TTPA: variants seen among roughly 807,000 people sequenced by gnomAD.
The protein encoded by TTPA is alpha tocopherol transfer protein.
TTPA carries 23 observed loss-of-function variants against 25.9 expected under a neutral mutation model. The observed-to-expected ratio is 0.89, with a 90% CI of 0.64 to 1.26. TTPA has a LOEUF of 1.26. TTPA is among the 50% of genes most tolerant of loss of function. TTPA has a pLI of 0.00. For synonymous variants in TTPA, 148 were observed against 137.3 expected, an observed-to-expected ratio of 1.08 and a Z score of -0.54; for missense variants, 337 against 353.1, an observed-to-expected ratio of 0.95 and a Z score of 0.37.
chr8:63,085,554 T>C (rs1211678821), intron 1 of TTPA, among the ~76,000 whole-genome samples: 1 of 152,222 alleles, frequency 6.6e-6, no homozygotes, highest in Admixed American at 6.5e-5. Flanking sequence ...TTCTCCATGC[T>C]TGAGATCAAA....
At chr8:63,084,790 AC>A (rs1435766301) in intron 1 of TTPA, among the ~76,000 whole-genome samples, 2 of 152,194 alleles carry the variant, frequency 1.3e-5, no homozygotes, top group African/African-American at 4.8e-5. Flanking sequence ...GATTATTTTT[AC>A]CATAATTTTA....
chr8:63,068,233 AAGTAAC>A (rs1338157341), intron 2 of TTPA, among the ~76,000 whole-genome samples: 2 of 152,218 alleles, frequency 1.3e-5, no homozygotes, highest in Non-Finnish European at 2.9e-5. Flanking sequence ...CAGAGAGATG[AAGTAAC>A]ATAAAAAGAA....
intron 1 of TTPA, among the ~76,000 whole-genome samples, chr8:63,074,076 G>C (rs1563363628): frequency 6.6e-6 from 1 of 151,964 alleles, no homozygotes; most frequent in Non-Finnish European, 1.5e-5. Flanking sequence ...CATTTGTTTT[G>C]AGTTTAAAGA....
chr8:63,085,057 G>A lies in TTPA; in HGVS notation c.204+761C>T, dbSNP rs553438595. On this transcript the variant is annotated intron_variant, in intron 1 of 4. Transcript: ENST00000260116. ...ATGCTTACTGTGTGCCAGGCACTGTGCTGGGCACAGCTTGTTTTGTTAAAC... is the reference window on the plus strand; with the variant it reads ...ATGCTTACTGTGTGCCAGGCACTGTACTGGGCACAGCTTGTTTTGTTAAAC... Among the ~76,000 whole-genome samples the A allele has an allele frequency of 2.2e-3, 335 of 152,322 alleles. 2 individuals carry two copies. The highest frequency in any genetic ancestry group is 7.6e-3 in the African/African-American group (314 of 41,564).
Position 63,072,942 on chromosome 8 carries a change from G to A in TTPA, c.351C>T (p.Tyr117=), listed in dbSNP as rs374483216. 12 of 1,614,068 alleles carry A rather than the reference G, an allele frequency of 7.4e-6. No individual in the cohort carries two copies. Among genetic ancestry groups the A allele is most frequent in the Non-Finnish European group, 1.0e-5 (12 of 1,180,004 alleles). Residue 117 remains tyrosine, a synonymous_variant, in exon 2 of 5, where the codon TAC becomes TAT. Coordinates refer to ENST00000260116, the MANE Select transcript of TTPA (RefSeq NM_000370.3). ...RDPTGSKVLI[Y]RIAHWDPKVF... ...GAGTTGTGTATGACTTACCGATTCT[G>A]TAAATAAGAACTTTGCTGCCAGTGG...
At chr8:63,063,549 AG>A (rs1805342605) in intron 4 of TTPA, among the ~76,000 whole-genome samples, 1 of 152,210 alleles carries the variant, frequency 6.6e-6, no homozygotes. Context: ...ACAAGATAAA[AG>A]ATACACAGTG....
chr8:63,081,084 C>A (rs1019203902), intron 1 of TTPA, among the ~76,000 whole-genome samples: 1 of 151,536 alleles, frequency 6.6e-6, no homozygotes, highest in African/African-American at 2.4e-5. Context: ...TGGTACCATT[C>A]CTTCTGAAAC....
rs139080242 is a variant in TTPA, at chr8:63,069,069, C to T, written c.359-2972G>A. The stretch of plus-strand genomic sequence containing the variant: ...ACTTGGGAAGCTGAGGCAGGAGAAT[C>T]GCTTGAACTCGGGAGGCAGAGGTTG... On this transcript the variant is annotated intron_variant, in intron 2 of 4. Coordinates refer to ENST00000260116, the MANE Select transcript of TTPA (RefSeq NM_000370.3). Among the ~76,000 whole-genome samples the T allele has an allele frequency of 5.6e-3, 854 of 152,072 alleles. 9 individuals are homozygous for T. Among genetic ancestry groups the T allele is most frequent in the African/African-American group, 0.02 (826 of 41,486 alleles).
intron 1 of TTPA, among the ~76,000 whole-genome samples, chr8:63,078,452 C>T (rs1023301428): frequency 2.0e-5 from 3 of 152,160 alleles, no homozygotes; most frequent in African/African-American, 7.2e-5. Context: ...AAAGGTTAAA[C>T]GAATGGCAAA....
intron 2 of TTPA, among the ~76,000 whole-genome samples, chr8:63,069,562 TA>T (rs950056625): frequency 3.3e-5 from 5 of 151,894 alleles, no homozygotes; most frequent in Non-Finnish European, 5.9e-5. Flanking sequence ...AATGCATCTC[TA>T]AAAAATAAAA....
chr8:63,073,213 G>T, intron 1 of TTPA, 125 bp from the exon 2 acceptor site: 1 of 779,514 alleles, frequency 1.3e-6, no homozygotes, highest in East Asian at 2.7e-5. Flanking sequence ...TTAATCTAGG[G>T]TATCTTTTCA....
At position 63,066,042 on chromosome 8, in the gene TTPA, G is replaced by T; in HGVS notation, c.414C>A (p.Ile138=). The T allele has an allele frequency of 1.9e-6, 3 of 1,614,016 alleles. No homozygotes were observed. The highest frequency in any genetic ancestry group is 2.5e-6 in the Non-Finnish European group (3 of 1,179,980). ...CCTCCTGTACAATAAGCTCGGATGT[G>T]ATTAGACTTACTCGAAATACGTCAT... The part of the protein sequence containing the change: ...TAYDVFRVSL[I]TSELIVQEVE... Residue 138 remains isoleucine (I), a synonymous_variant, in exon 3 of 5, where the codon ATC becomes ATA. Coordinates refer to ENST00000260116, the MANE Select transcript of TTPA (RefSeq NM_000370.3).
At chr8:63,081,642 G>C (rs968004354) in intron 1 of TTPA, among the ~76,000 whole-genome samples, 1 of 152,048 alleles carries the variant, frequency 6.6e-6, no homozygotes, top group African/African-American at 2.4e-5. Context: ...TCCTGGCCAC[G>C]GCAATCAGGC....
In TTPA at chr8:63,061,246, A is replaced by G; in HGVS notation, c.*6T>C. The G allele has an allele frequency of 2.5e-6, 4 of 1,613,062 alleles. No individual in the cohort carries two copies. The highest frequency in any genetic ancestry group is 3.4e-6 in the Non-Finnish European group (4 of 1,179,748). ...AGTTAGGAAGCCATTCACATGACAT[A>G]ACTTCTCATTGAATGCTCTCAGAAA... On this transcript the variant is annotated 3_prime_UTR_variant, in exon 5 of 5. Coordinates refer to ENST00000260116, the MANE Select transcript of TTPA (RefSeq NM_000370.3).
At chr8:63,076,029 G>GT (rs1336261010) in intron 1 of TTPA, among the ~76,000 whole-genome samples, 1 of 152,192 alleles carries the variant, frequency 6.6e-6, no homozygotes, top group Non-Finnish European at 1.5e-5. Flanking sequence ...TATGTTTGTT[G>GT]TTTTAAATAT....
At chr8:63,077,384 T>C (rs1369767958) in intron 1 of TTPA, among the ~76,000 whole-genome samples, 1 of 151,926 alleles carries the variant, frequency 6.6e-6, no homozygotes, top group Non-Finnish European at 1.5e-5. Flanking sequence ...GTGCAAAGGG[T>C]TGGGGGATTT....
At position 63,085,820 on chromosome 8, in the gene TTPA, G is replaced by T. The variant is rs973874631; in HGVS notation, c.202C>A (p.Arg68=). 1.8e-5 allele frequency: 28 copies of T among 1,535,286 alleles called. No homozygotes were observed. Among genetic ancestry groups the T allele is most frequent in the Middle Eastern group, 4.2e-4 (2 of 4,724 alleles). Residue 68 remains arginine (R), a splice_region_variant and synonymous_variant, in exon 1 of 5, where the codon CGG becomes AGG. Transcript: ENST00000260116. ...ARDFDLDLAW[R]LLKNYYKWRA... is the part of the protein sequence containing the mutation. ...GCGCCCTGGGCACGCACGCTTACCC[G>T]CCAGGCCAGGTCCAGATCGAAATCC...
chr8:63,067,831 T>A (rs1805421151), intron 2 of TTPA, among the ~76,000 whole-genome samples: 1 of 152,134 alleles, frequency 6.6e-6, no homozygotes, highest in Non-Finnish European at 1.5e-5. Context: ...AAACACCCAG[T>A]GTTTAGCTCC....
At chr8:63,076,693 T>C (rs1489306506) in intron 1 of TTPA, among the ~76,000 whole-genome samples, 1 of 152,188 alleles carries the variant, frequency 6.6e-6, no homozygotes, top group Non-Finnish European at 1.5e-5. Flanking sequence ...AAAATGAAAT[T>C]AGTAAATGAA....
Sources: gnomAD v4.1 joint callset for allele counts (sites outside exome capture counted in the v4.1 genomes callset) on GRCh38, gnomAD v4.1.1 for gene constraint, MANE v1.5 for transcripts, NCBI Gene and HGNC (gene_info 2026-07-23, HGNC 2026-07-21) for gene names.